The following TEK variants were observed in gnomAD, a reference collection of about 807,000 sequenced individuals.
TEK encodes TEK receptor tyrosine kinase, also known as angiopoietin-1 receptor.
TEK carries 43 observed loss-of-function variants against 131.8 expected under a neutral mutation model. That is an observed-to-expected ratio of 0.33 (90% confidence interval 0.26 to 0.42). TEK has a LOEUF of 0.42. Ranked by LOEUF, TEK falls within the 10% of genes least tolerant of loss-of-function variation. The pLI is 1.00. For missense variants in TEK, 1,162 were observed against 1,384.4 expected (o/e 0.84, Z 2.55); for synonymous variants, 580 against 491.6 (o/e 1.18, Z -2.38).
chr9:27,221,724 A>G (rs1313629741), intron 21 of TEK, among the ~76,000 whole-genome samples: 1 of 152,166 alleles, frequency 6.6e-6, no homozygotes, highest in Non-Finnish European at 1.5e-5. Flanking sequence ...ATCAACATCA[A>G]CAAAAAGGAC....
rs1824779858 is a variant in TEK, at chr9:27,190,568, C to G, written c.1367C>G (p.Thr456Ser). ...KPLNAPNVID[T>S]GHNFAVINIS... ...CTGAATGCCCCAAACGTGATTGACA[C>G]TGGACATAACTTTGCTGTCATCAAC... The change falls in exon 10 of 23, where the codon ACT (threonine) becomes AGT (serine). Residue 456 changes from threonine to serine, a missense_variant. Around this residue, in one of 6 missense-constraint regions of TEK, gnomAD observed 477 missense variants for 471.0 expected, o/e 1.01. Transcript: ENST00000380036. 1 of 1,613,934 alleles carries G rather than the reference C, an allele frequency of 6.2e-7. No homozygotes were observed. The highest frequency in any genetic ancestry group is 1.3e-5 in the African/African-American group (1 of 74,926).
chr9:27,125,132 C>T (rs960636864), intron 1 of TEK, among the ~76,000 whole-genome samples: 1 of 152,226 alleles, frequency 6.6e-6, no homozygotes, highest in Non-Finnish European at 1.5e-5. Context: ...GTCAGCAGTG[C>T]TTTTCACACA....
chr9:27,190,492 G>T (rs913748535), intron 9 of TEK, 37 bp from the exon 10 acceptor site: 5 of 1,613,198 alleles, frequency 3.1e-6, no homozygotes, highest in Admixed American at 1.7e-5. Flanking sequence ...AAACCTCAAA[G>T]CCGAAGGACT....
At chr9:27,127,440 G>A (rs1822031136) in intron 1 of TEK, among the ~76,000 whole-genome samples, 1 of 152,200 alleles carries the variant, frequency 6.6e-6, no homozygotes, top group Non-Finnish European at 1.5e-5. Context: ...AAACGTGTGT[G>A]CATGAGTCTT....
At chr9:27,205,581 T>C (rs1825371833) in intron 14 of TEK, among the ~76,000 whole-genome samples, 1 of 152,186 alleles carries the variant, frequency 6.6e-6, no homozygotes, top group South Asian at 2.1e-4. Context: ...CTTCCATTCC[T>C]GTGTACCCTC....
In TEK at chr9:27,229,335, G is replaced by A. The variant is rs1826472014; in HGVS notation, c.*103G>A. 9.0e-7 allele frequency: 1 copy of A among 1,116,346 alleles called. No individual in the cohort carries two copies. Among genetic ancestry groups the A allele is most frequent in the East Asian group, 2.4e-5 (1 of 42,444 alleles). 69.2% of individuals were successfully genotyped at this position (1,116,346 alleles called of 1,614,324 possible). A position where few individuals can be genotyped will look rare whatever the true frequency, so the allele number is the denominator to read the frequency against. On this transcript the variant is annotated 3_prime_UTR_variant, in exon 23 of 23. Coordinates refer to ENST00000380036, the MANE Select transcript of TEK (RefSeq NM_000459.5). ...CTGCCAAAGGATGTGATATATAAGT[G>A]TACATATGTGCTGTACACCTGGGAC...
intron 21 of TEK, among the ~76,000 whole-genome samples, chr9:27,220,610 C>T (rs1423465036): frequency 6.6e-6 from 1 of 152,218 alleles, no homozygotes; most frequent in East Asian, 1.9e-4. Context: ...GTACCCGGCT[C>T]ATCTCATAGG....
chr9:27,196,121 T>G (rs633903), intron 11 of TEK, among the ~76,000 whole-genome samples: 30,240 of 152,194 alleles, frequency 0.2, 3,426 homozygotes, highest in Non-Finnish European at 0.25. Flanking sequence ...GTAAATACTC[T>G]CCCATAATCC....
intron 2 of TEK, among the ~76,000 whole-genome samples, chr9:27,166,811 A>T (rs1823747934): frequency 6.6e-6 from 1 of 152,154 alleles, no homozygotes; most frequent in Admixed American, 6.5e-5. Flanking sequence ...TCTGAATTTG[A>T]TGTGAGCTCC....
chr9:27,143,270 G>T (rs1003894239), intron 1 of TEK, among the ~76,000 whole-genome samples: 1 of 152,184 alleles, frequency 6.6e-6, no homozygotes, highest in Admixed American at 6.5e-5. Context: ...TCTGTAGATG[G>T]CTCAACAGAG....
chr9:27,193,936 A>G (rs1824918010), intron 11 of TEK, among the ~76,000 whole-genome samples: 1 of 152,122 alleles, frequency 6.6e-6, no homozygotes, highest in African/African-American at 2.4e-5. Flanking sequence ...CTTCCTGAGT[A>G]GCTGGGACTA....
intron 20 of TEK, among the ~76,000 whole-genome samples, 192 bp from the exon 21 acceptor site, chr9:27,219,857 A>G (rs1356643387): frequency 6.6e-6 from 1 of 152,192 alleles, no homozygotes; most frequent in Non-Finnish European, 1.5e-5. Context: ...AGCAATGATC[A>G]TGCTTTGGCA....
chr9:27,112,409 G>A (rs1185569559), intron 1 of TEK, among the ~76,000 whole-genome samples: 1 of 152,206 alleles, frequency 6.6e-6, no homozygotes, highest in African/African-American at 2.4e-5. Flanking sequence ...ATTATTCTCA[G>A]AGGGAGGAGC....
chr9:27,164,411 C>T (rs1348056522), intron 2 of TEK, among the ~76,000 whole-genome samples: 1 of 151,702 alleles, frequency 6.6e-6, no homozygotes, highest in Non-Finnish European at 1.5e-5. Flanking sequence ...GCTCCGCCTC[C>T]TGGGTTCACG....
intron 12 of TEK, among the ~76,000 whole-genome samples, chr9:27,201,138 C>T (rs1237358844): frequency 1.3e-5 from 2 of 152,006 alleles, no homozygotes; most frequent in African/African-American, 4.8e-5. Flanking sequence ...GTAGAGTCAC[C>T]CAGAGAACCT....
chr9:27,138,471 A>T lies in TEK; in HGVS notation c.53-19360A>T, dbSNP rs767671957. Among the ~76,000 whole-genome samples the T allele has an allele frequency of 2.6e-5, 4 of 151,718 alleles. No individual in the cohort carries two copies. The East Asian group carries it at 7.8e-4, about 29-fold the overall frequency. On this transcript the variant is annotated intron_variant, in intron 1 of 22. Coordinates refer to ENST00000380036, the MANE Select transcript of TEK (RefSeq NM_000459.5). Reference sequence around the variant, plus strand: ...AGCTAGACACAGAGCACTGATTGGTATGTTTTTACAGAGTGCTGATTGGTG... The same window carrying T: ...AGCTAGACACAGAGCACTGATTGGTTTGTTTTTACAGAGTGCTGATTGGTG...
chr9:27,169,366 G>C, intron 3 of TEK, 111 bp from the exon 4 acceptor site: 2 of 1,402,264 alleles, frequency 1.4e-6, no homozygotes, highest in South Asian at 2.3e-5. Flanking sequence ...CAATATGTGA[G>C]AGCACATTTT....
In TEK at chr9:27,185,528, T is replaced by G; in HGVS notation, c.1226T>G (p.Phe409Cys). The G allele has an allele frequency of 6.2e-7, 1 of 1,613,818 alleles. No homozygotes were observed. Among genetic ancestry groups the G allele is most frequent in the South Asian group, 1.1e-5 (1 of 91,076 alleles). The part of the protein sequence containing the change: ...NHTDHFSVAI[F>C]TIHRILPPDS... ...ACGGATCATTTCTCAGTAGCCATAT[T>G]CACCATCCACCGGATCCTCCCCCCT... Residue 409 changes from phenylalanine (F) to cysteine (C), a missense_variant, in exon 9 of 23, where the codon TTC becomes TGC. Transcript: ENST00000380036.
rs528643511 is a variant in TEK at position 27,126,244 on chromosome 9, A to G, written c.52+16602A>G. ...TGCCTGAACAAAGCTTACCTAACACATAAGTTTTCTCCTAAGGCATATCAC... is the reference window on the plus strand; with the variant it reads ...TGCCTGAACAAAGCTTACCTAACACGTAAGTTTTCTCCTAAGGCATATCAC... On this transcript the variant is annotated intron_variant, in intron 1 of 22. Coordinates refer to ENST00000380036, the MANE Select transcript of TEK (RefSeq NM_000459.5). Among the ~76,000 whole-genome samples, 15 of 152,328 alleles carry G rather than the reference A, an allele frequency of 9.8e-5. No homozygotes were observed. The East Asian group carries it at 2.3e-3, about 24-fold the overall frequency.
Sources: allele counts gnomAD v4.1 joint callset (sites outside exome capture counted in the v4.1 genomes callset), GRCh38; gene constraint gnomAD v4.1.1; regional missense constraint gnomAD v4.1.1; transcripts MANE v1.5; gene names NCBI Gene and HGNC (gene_info 2026-07-23, HGNC 2026-07-21).